Variants in NCOA1 observed in about 807,000 individuals in gnomAD.
The protein encoded by NCOA1 is Hin-2 protein.
Under a neutral mutation model 150.9 loss-of-function variants are expected in NCOA1, and 35 were observed. The ratio of observed to expected loss-of-function variants is 0.23; its 90% CI spans 0.18 to 0.31. NCOA1 has a LOEUF of 0.31. Ranked by LOEUF, NCOA1 falls within the 10% of genes least tolerant of loss-of-function variation. The pLI is 1.00. For missense variants in NCOA1, 1,491 were observed against 1,749.3 expected, an observed-to-expected ratio of 0.85 and a Z score of 2.63; for synonymous variants, 590 against 630.0, an observed-to-expected ratio of 0.94 and a Z score of 0.95.
intron 4 of NCOA1, among the ~76,000 whole-genome samples, chr2:24,645,171 A>C (rs962836497): frequency 4.6e-5 from 7 of 152,098 alleles, no homozygotes; most frequent in Non-Finnish European, 8.8e-5. Flanking sequence ...TATTCATCTA[A>C]TCTTACTATC....
In NCOA1 at chr2:24,533,243, G is replaced by C. The variant is rs572744960; in HGVS notation, c.-395-31052G>C. 1.4e-3 allele frequency among the ~76,000 whole-genome samples: 218 copies of C among 151,860 alleles called. 2 individuals are homozygous for C. Among genetic ancestry groups the C allele is most frequent in the Non-Finnish European group, 2.0e-3 (135 of 67,936 alleles). On this transcript the variant is annotated intron_variant, in intron 1 of 22. Transcript: ENST00000348332. ...TGAGTGGGAGTTCACTCATGATTTGGCTCTCTGTCTGTTATTGGTATATAG... is the reference window on the plus strand; with the variant it reads ...TGAGTGGGAGTTCACTCATGATTTGCCTCTCTGTCTGTTATTGGTATATAG...
Position 24,497,487 on chromosome 2 carries a change from T to C in NCOA1, c.-396+5885T>C, listed in dbSNP as rs1015489074. 2.6e-5 allele frequency among the ~76,000 whole-genome samples: 4 copies of C among 151,900 alleles called. No homozygotes were observed. The East Asian group carries it at 7.7e-4, about 29-fold the overall frequency. ...GGTCAGGAGTTCGAGACCTGGCCAA[T>C]ATGGTGACACCCTGTCTCTACTAAA... is the stretch of plus-strand genomic sequence containing the variant. On this transcript the variant is annotated intron_variant, in intron 1 of 22. Coordinates refer to ENST00000348332, the MANE Select transcript of NCOA1 (RefSeq NM_003743.5).
chr2:24,702,246 T>C (rs1358275921), intron 11 of NCOA1, among the ~76,000 whole-genome samples: 1 of 152,228 alleles, frequency 6.6e-6, no homozygotes, highest in African/African-American at 2.4e-5. Flanking sequence ...GATTTTGATA[T>C]AATAGAGTTT....
chr2:24,707,910 A>T (rs1673537212), intron 13 of NCOA1, 22 bp downstream of exon 13: 2 of 1,563,068 alleles, frequency 1.3e-6, no homozygotes, highest in Admixed American at 2.1e-5. Flanking sequence ...CTTGCTTCAC[A>T]GAATGGTCAT....
At chr2:24,659,068 A>G (rs1430249237) in intron 5 of NCOA1, 3 of 270,762 alleles carry the variant, frequency 1.1e-5, no homozygotes, top group Non-Finnish European at 2.2e-5. Flanking sequence ...CCATTCATGT[A>G]TCTGTCTCAG....
At chr2:24,593,456 C>T (rs1374031294) in intron 3 of NCOA1, among the ~76,000 whole-genome samples, 1 of 151,980 alleles carries the variant, frequency 6.6e-6, no homozygotes, top group Admixed American at 6.6e-5. Flanking sequence ...AAAGTCTAAA[C>T]CCTGCCTGTG....
At chr2:24,596,686 AAATT>A (rs1309711971) in intron 3 of NCOA1, among the ~76,000 whole-genome samples, 8 of 152,196 alleles carry the variant, frequency 5.3e-5, no homozygotes, top group South Asian at 2.1e-4. Flanking sequence ...AGGCTACAAC[AAATT>A]AATTGAGAGT....
intron 1 of NCOA1, among the ~76,000 whole-genome samples, chr2:24,523,109 C>T (rs1179494313): frequency 6.6e-6 from 1 of 152,150 alleles, no homozygotes; most frequent in African/African-American, 2.4e-5. Flanking sequence ...AGATTATTTG[C>T]ATTTGGGGTT....
At chr2:24,708,649 T>C (rs887726269) in intron 13 of NCOA1, among the ~76,000 whole-genome samples, 80 of 152,178 alleles carry the variant, frequency 5.3e-4, no homozygotes, top group African/African-American at 1.9e-3. Context: ...AGACAGAATA[T>C]AGACATTCAT....
intron 3 of NCOA1, among the ~76,000 whole-genome samples, chr2:24,598,427 A>G (rs1374310889): frequency 3.9e-5 from 6 of 152,244 alleles, no homozygotes; most frequent in Admixed American, 6.5e-5. Flanking sequence ...AAGCATATGA[A>G]CAATTATTAC....
chr2:24,584,364 ATTAAGT>A (rs1202934841), intron 2 of NCOA1, 106 bp from the exon 3 acceptor site: 1 of 152,172 alleles, frequency 6.6e-6, no homozygotes, highest in Non-Finnish European at 1.5e-5. Flanking sequence ...CTTTAAATAT[ATTAAGT>A]TTATTTACTG....
chr2:24,707,348 C>T lies in NCOA1; in HGVS notation c.1878C>T (p.Tyr626=). 4 of 1,614,196 alleles carry T rather than the reference C, an allele frequency of 2.5e-6. No individual in the cohort carries two copies. Among genetic ancestry groups the T allele is most frequent in the Non-Finnish European group, 3.4e-6 (4 of 1,180,026 alleles). ...NDRLSDGDSK[Y]SQTSHKLVQL... Reference sequence around the variant, plus strand: ...GACTTTCAGATGGAGACAGTAAATACTCTCAAACCAGTCACAAACTAGTGC... The same window carrying T: ...GACTTTCAGATGGAGACAGTAAATATTCTCAAACCAGTCACAAACTAGTGC... Residue 626 remains tyrosine (Y), a synonymous_variant, in exon 13 of 23, where the codon TAC becomes TAT. Transcript: ENST00000348332.
intron 14 of NCOA1, among the ~76,000 whole-genome samples, chr2:24,720,428 A>G (rs1201299780): frequency 6.6e-6 from 1 of 152,238 alleles, no homozygotes; most frequent in African/African-American, 2.4e-5. Context: ...ATTGAGGCAA[A>G]CAGCTTTTTT....
chr2:24,518,961 T>G (rs1413835991), intron 1 of NCOA1, among the ~76,000 whole-genome samples: 2 of 152,160 alleles, frequency 1.3e-5, no homozygotes, highest in Non-Finnish European at 2.9e-5. Flanking sequence ...TGGTACTAGT[T>G]GACAAGCTGA....
At position 24,705,186 on chromosome 2, in the gene NCOA1, A is replaced by G; in HGVS notation, c.1050A>G (p.Gln350=). Residue 350 remains glutamine, a synonymous_variant, in exon 12 of 23, where the codon CAA becomes CAG. Transcript: ENST00000348332. The stretch of plus-strand genomic sequence containing the variant: ...CCAAGTGTAAACTTTGCTACCCTCA[A>G]AGTCCAGACATGCAACCTTTCATCA... ...AHTKCKLCYP[Q]SPDMQPFIMG... is the part of the protein sequence containing the mutation. The G allele has an allele frequency of 6.2e-7, 1 of 1,614,082 alleles. No homozygotes were observed. The highest frequency in any genetic ancestry group is 1.1e-5 in the South Asian group (1 of 91,076).
chr2:24,504,846 T>TA (rs1358004680), intron 1 of NCOA1, among the ~76,000 whole-genome samples: 1 of 152,240 alleles, frequency 6.6e-6, no homozygotes, highest in Non-Finnish European at 1.5e-5. Context: ...GTAAAGGGCT[T>TA]AGATACTTTT....
Position 24,693,317 on chromosome 2 carries a change from G to C in NCOA1, c.778G>C (p.Glu260Gln). Residue 260 changes from glutamate to glutamine, a missense_variant, in exon 10 of 23, where the codon GAA (glutamate) becomes CAA (glutamine). Transcript: ENST00000348332. ...LPRPPAITGV[E>Q]SFMTKQDTTG... is the part of the protein sequence containing the mutation. ...TCGGCCTCCAGCTATTACGGGTGTA[G>C]AATCCTTTATGACCAAGCAAGATAC... 6.2e-7 allele frequency: 1 copy of C among 1,614,146 alleles called. No homozygotes were observed. Among genetic ancestry groups the C allele is most frequent in the South Asian group, 1.1e-5 (1 of 91,090 alleles).
intron 5 of NCOA1, chr2:24,659,183 C>T (rs536597280): frequency 9.1e-5 from 16 of 175,276 alleles, no homozygotes; most frequent in Admixed American, 3.3e-4. Flanking sequence ...TGGTAAAGGA[C>T]CTTGTTTGTT....
intron 1 of NCOA1, among the ~76,000 whole-genome samples, chr2:24,519,901 G>A (rs1664352225): frequency 6.6e-6 from 1 of 152,084 alleles, no homozygotes; most frequent in Non-Finnish European, 1.5e-5. Flanking sequence ...AATATATAGA[G>A]TTATCAAAGC....
Sources: allele counts gnomAD v4.1 joint callset (sites outside exome capture counted in the v4.1 genomes callset), GRCh38; gene constraint gnomAD v4.1.1; transcripts MANE v1.5; gene names NCBI Gene and HGNC (gene_info 2026-07-23, HGNC 2026-07-21).